The following OSBPL5 variants were observed in gnomAD, a reference collection of about 807,000 sequenced individuals.
OSBPL5 encodes oxysterol-binding protein-related protein 5.
Under a neutral mutation model 111.2 loss-of-function variants are expected in OSBPL5, and 71 were observed. The ratio of observed to expected loss-of-function variants is 0.64; its 90% CI spans 0.53 to 0.78. The LOEUF is 0.78. Ranked by LOEUF, OSBPL5 falls within the 30% of genes least tolerant of loss-of-function variation. The probability of loss-of-function intolerance (pLI) is 0.00; values close to 1 mark genes in which losing one functional copy is unlikely to be tolerated. For synonymous variants in OSBPL5, 549 were observed against 513.9 expected (o/e 1.07, Z -0.93); for missense variants, 1,210 against 1,189.3 (o/e 1.02, Z -0.26).
chr11:3,141,530 C>T lies in OSBPL5; in HGVS notation c.-21-12361G>A, dbSNP rs189018930. Among the ~76,000 whole-genome samples the T allele has an allele frequency of 1.3e-3, 201 of 152,258 alleles. No homozygotes were observed. Among genetic ancestry groups the T allele is most frequent in the African/African-American group, 4.6e-3 (191 of 41,542 alleles). ...GTCTTCCGCTGTGGTGGAGAGCTTGCCAAAGTGTTCAGGAAATGGCATTAA... is the reference window on the plus strand; with the variant it reads ...GTCTTCCGCTGTGGTGGAGAGCTTGTCAAAGTGTTCAGGAAATGGCATTAA... On this transcript the variant is annotated intron_variant, in intron 1 of 21. Coordinates refer to ENST00000263650, the MANE Select transcript of OSBPL5 (RefSeq NM_020896.4). The surrounding 1 kb of genome is among the most constrained non-coding windows in gnomAD (Gnocchi z 6.5).
intron 1 of OSBPL5, among the ~76,000 whole-genome samples, chr11:3,133,652 C>A (rs974846114): frequency 6.6e-6 from 1 of 152,226 alleles, no homozygotes; most frequent in Non-Finnish European, 1.5e-5. Flanking sequence ...TGGGCCTCAG[C>A]CTGCAGTTGC....
intron 10 of OSBPL5, among the ~76,000 whole-genome samples, chr11:3,103,716 AGGCTCTGCTG>A (rs1857542722): frequency 9.4e-6 from 1 of 105,900 alleles, no homozygotes; most frequent in Admixed American, 9.6e-5. Context: ...ACCCCCTTCC[AGGCTCTGCTG>A]CCCCTTCCTG....
At chr11:3,145,584 G>A (rs1454568278) in intron 1 of OSBPL5, among the ~76,000 whole-genome samples, 2 of 152,188 alleles carry the variant, frequency 1.3e-5, no homozygotes, top group Non-Finnish European at 2.9e-5. Flanking sequence ...CATCGGACCC[G>A]GCTGCAGTCC....
At chr11:3,093,901 A>C (rs1367356570) in intron 15 of OSBPL5, 66 bp from the exon 16 acceptor site, 22 of 1,528,126 alleles carry the variant, frequency 1.4e-5, no homozygotes, top group Non-Finnish European at 1.9e-5. Flanking sequence ...TCACATCCTC[A>C]TGGGGGCACG....
chr11:3,129,641 G>A (rs549373113), intron 1 of OSBPL5, among the ~76,000 whole-genome samples: 2 of 152,312 alleles, frequency 1.3e-5, no homozygotes, highest in South Asian at 2.1e-4. Flanking sequence ...GGGAGTGGCT[G>A]GCACGGTGTT....
chr11:3,133,288 C>G (rs761149104), intron 1 of OSBPL5, among the ~76,000 whole-genome samples: 7 of 152,234 alleles, frequency 4.6e-5, no homozygotes, highest in Non-Finnish European at 1.0e-4. Context: ...TGATGGGAAC[C>G]CCCCATGAGG....
At chr11:3,150,730 C>G (rs1564865395) in intron 1 of OSBPL5, among the ~76,000 whole-genome samples, 1 of 152,204 alleles carries the variant, frequency 6.6e-6, no homozygotes, top group South Asian at 2.1e-4. Context: ...CCAGGCAGCT[C>G]CTGGTTTCTT....
chr11:3,118,473 A>G (rs1373203891), intron 7 of OSBPL5, among the ~76,000 whole-genome samples: 1 of 152,178 alleles, frequency 6.6e-6, no homozygotes, highest in African/African-American at 2.4e-5. Flanking sequence ...CCTAAAATGT[A>G]TAAAACCAAA....
intron 1 of OSBPL5, among the ~76,000 whole-genome samples, chr11:3,155,068 G>A (rs1846712348): frequency 6.6e-6 from 1 of 152,170 alleles, no homozygotes; most frequent in Non-Finnish European, 1.5e-5. Flanking sequence ...GAAAGAAGGT[G>A]GTTATCTGCA....
chr11:3,133,477 C>T (rs1297632739), intron 1 of OSBPL5, among the ~76,000 whole-genome samples: 1 of 152,230 alleles, frequency 6.6e-6, no homozygotes, highest in Non-Finnish European at 1.5e-5. Flanking sequence ...TTCAGGTGGA[C>T]CCTTTAGGCC....
chr11:3,160,399 T>G (rs7935956), intron 1 of OSBPL5, among the ~76,000 whole-genome samples: 104,014 of 152,092 alleles, frequency 0.68, 36,034 homozygotes, highest in African/African-American at 0.74. Context: ...ACGCACTGCT[T>G]CCAGAGTCCC....
At chr11:3,096,984 G>T (rs1564824452) in intron 14 of OSBPL5, among the ~76,000 whole-genome samples, 3 of 140,746 alleles carry the variant, frequency 2.1e-5, no homozygotes, top group Non-Finnish European at 4.6e-5. Flanking sequence ...GGGGGAAGGT[G>T]GGAGGAGGAG....
chr11:3,093,646 G>C lies in OSBPL5; in HGVS notation c.1827C>G (p.Ile609Met). 6.2e-7 allele frequency: 1 copy of C among 1,613,194 alleles called. No homozygotes were observed. The highest frequency in any genetic ancestry group is 8.5e-7 in the Non-Finnish European group (1 of 1,179,970). ...CACTGCTTCCGCTCCCTTCCTCCTT[G>C]ATAAACACGTCCCTGTCCTGCCCCA... ...LSGHWDRDVFIKEEGSGSSAL... is the reference protein window; with the variant it reads ...LSGHWDRDVFMKEEGSGSSAL... Residue 609 changes from isoleucine to methionine, a missense_variant, in exon 17 of 22, where the codon ATC becomes ATG. Ile to Met is a conservative substitution (Grantham distance 10). Coordinates refer to ENST00000263650, the MANE Select transcript of OSBPL5 (RefSeq NM_020896.4).
intron 7 of OSBPL5, among the ~76,000 whole-genome samples, chr11:3,118,115 T>G (rs905977321): frequency 1.3e-5 from 2 of 152,190 alleles, no homozygotes; most frequent in African/African-American, 4.8e-5. Flanking sequence ...GACCAGAGAC[T>G]CGTTTTCTTC....
At chr11:3,112,034 TATGTGTGCGC>T (rs1392835409) in intron 7 of OSBPL5, among the ~76,000 whole-genome samples, 3 of 103,354 alleles carry the variant, frequency 2.9e-5, no homozygotes, top group Non-Finnish European at 6.8e-5. Flanking sequence ...CATGTGTGTG[TATGTGTGCGC>T]GCATGTGTGT....
intron 5 of OSBPL5, 75 bp from the exon 6 acceptor site, chr11:3,120,699 G>C: frequency 6.5e-7 from 1 of 1,534,912 alleles, no homozygotes. Context: ...GGCTTGGCGG[G>C]GAGCCAGGCA....
At chr11:3,089,678 G>A (rs539740951) in intron 21 of OSBPL5, among the ~76,000 whole-genome samples, 168 bp downstream of exon 21, 9 of 152,292 alleles carry the variant, frequency 5.9e-5, no homozygotes, top group African/African-American at 2.2e-4. Flanking sequence ...CCTCTCTCCT[G>A]CCCTCGGCGG....
At chr11:3,136,415 G>A (rs549844357) in intron 1 of OSBPL5, among the ~76,000 whole-genome samples, 48 of 152,260 alleles carry the variant, frequency 3.2e-4, no homozygotes, top group Non-Finnish European at 5.6e-4. Context: ...CCTTGGCCAG[G>A]GGCAGACACT....
Position 3,089,943 on chromosome 11 carries a change from C to T in OSBPL5, c.2404G>A (p.Glu802Lys), listed in dbSNP as rs763094116. 6.5e-7 allele frequency: 1 copy of T among 1,549,092 alleles called. No homozygotes were observed. Among genetic ancestry groups the T allele is most frequent in the South Asian group, 1.2e-5 (1 of 83,860 alleles). Reference protein sequence around the residue: ...EQDGDFVPGGESPCPRCRKEA... With the variant: ...EQDGDFVPGGKSPCPRCRKEA... ...TTCCTGCACCGAGGGCATGGGCTCTCACCGCCTGGGACGGCCCCGAGTGAG... is the reference window on the plus strand; with the variant it reads ...TTCCTGCACCGAGGGCATGGGCTCTTACCGCCTGGGACGGCCCCGAGTGAG... Residue 802 changes from glutamate to lysine, a missense_variant, in exon 21 of 22, where the codon GAG (glutamate) becomes AAG (lysine). By Grantham distance (56) the Glu-to-Lys change is moderately conservative (BLOSUM62 1). Transcript: ENST00000263650.
Sources: gnomAD v4.1 joint callset for allele counts (sites outside exome capture counted in the v4.1 genomes callset) on GRCh38, gnomAD v4.1.1 for gene constraint, Gnocchi (gnomAD v3.1) non-coding constraint, MANE v1.5 for transcripts, NCBI Gene and HGNC (gene_info 2026-07-23, HGNC 2026-07-21) for gene names.